The following HCRTR2 variants were observed in gnomAD, a reference collection of about 807,000 sequenced individuals.
The protein encoded by HCRTR2 is hypocretin receptor 2.
HCRTR2 carries 22 observed loss-of-function variants against 49.0 expected under a neutral mutation model. That is an observed-to-expected ratio of 0.45 (90% CI 0.32 to 0.64). The LOEUF (loss-of-function observed/expected upper bound fraction) is 0.64, where lower values mean the gene tolerates loss of function less well. Among genes scored for constraint, HCRTR2 ranks in the 30% least tolerant of loss-of-function variants. HCRTR2 has a pLI of 0.04. For synonymous variants in HCRTR2, 236 were observed against 205.3 expected (o/e 1.15, Z -1.28); for missense variants, 491 against 559.4 (o/e 0.88, Z 1.23).
chr6:55,239,752 T>C (rs1195194798), intron 1 of HCRTR2, among the ~76,000 whole-genome samples: 1 of 151,842 alleles, frequency 6.6e-6, no homozygotes, highest in African/African-American at 2.4e-5. Context: ...GATACATTGC[T>C]GTTTGTGCAT....
At chr6:55,240,824 TA>T in intron 1 of HCRTR2, 1 of 411,600 alleles carries the variant, frequency 2.4e-6, no homozygotes, top group Non-Finnish European at 4.9e-6. Context: ...AAATAGGAGT[TA>T]AATATAGGCT....
At chr6:55,120,658 A>G (rs968978033) in intron 1 of HCRTR2, among the ~76,000 whole-genome samples, 1 of 151,194 alleles carries the variant, frequency 6.6e-6, no homozygotes, top group Non-Finnish European at 1.5e-5. Flanking sequence ...TGGAGCTGAG[A>G]TGATAGGGTT....
chr6:55,216,312 A>C (rs1765785586), intron 1 of HCRTR2, among the ~76,000 whole-genome samples: 1 of 152,072 alleles, frequency 6.6e-6, no homozygotes, highest in East Asian at 1.9e-4. Flanking sequence ...TCATATGCAA[A>C]TACCTTCATT....
At chr6:55,253,872 T>G (rs9370407) in intron 2 of HCRTR2, among the ~76,000 whole-genome samples, 26,304 of 151,990 alleles carry the variant, frequency 0.17, 2,768 homozygotes, top group Non-Finnish European at 0.24. Context: ...CACTGGGGCC[T>G]TTCAGAGGGT....
chr6:55,186,272 AT>A (rs1765214795), intron 1 of HCRTR2, among the ~76,000 whole-genome samples: 1 of 152,202 alleles, frequency 6.6e-6, no homozygotes, highest in South Asian at 2.1e-4. Context: ...ATATAAGTAC[AT>A]TTTTTAAATT....
At chr6:55,147,538 G>A (rs1229511695) in intron 1 of HCRTR2, among the ~76,000 whole-genome samples, 2 of 152,124 alleles carry the variant, frequency 1.3e-5, no homozygotes, top group South Asian at 4.1e-4. Flanking sequence ...AACAGACACA[G>A]AGAGGTATTT....
rs1765650991 is a variant in HCRTR2, at chr6:55,208,906, G to A, written c.223+34096G>A. On this transcript the variant is annotated intron_variant, in intron 1 of 6. Coordinates refer to ENST00000370862, the MANE Select transcript of HCRTR2 (RefSeq NM_001384272.1). ...AAGCATTATTTGGGCCTTAAGTCAAGGCCCAAATGTGGATACTGGTACTGA... is the reference window on the plus strand; with the variant it reads ...AAGCATTATTTGGGCCTTAAGTCAAAGCCCAAATGTGGATACTGGTACTGA... Among the ~76,000 whole-genome samples, 4 of 152,154 alleles carry A rather than the reference G, an allele frequency of 2.6e-5. No homozygotes were observed. In the South Asian group the frequency reaches 8.3e-4, roughly 32 times the overall value.
chr6:55,266,952 A>C (rs1292170186), intron 4 of HCRTR2, among the ~76,000 whole-genome samples: 1 of 152,184 alleles, frequency 6.6e-6, no homozygotes, highest in Non-Finnish European at 1.5e-5. Flanking sequence ...AATTATCCTC[A>C]TTAGTACAAG....
intron 4 of HCRTR2, among the ~76,000 whole-genome samples, chr6:55,275,862 T>C (rs1168165501): frequency 6.6e-6 from 1 of 152,046 alleles, no homozygotes; most frequent in Non-Finnish European, 1.5e-5. Context: ...GAAAACTGTT[T>C]CTAATGGCGG....
intron 1 of HCRTR2, among the ~76,000 whole-genome samples, chr6:55,175,658 C>G (rs561334009): frequency 1.1e-4 from 16 of 152,198 alleles, no homozygotes; most frequent in African/African-American, 3.9e-4. Context: ...TGTATGCAAA[C>G]ACGGGTTTCC....
rs187588840 is a variant in HCRTR2, at chr6:55,273,960, T to C, written c.763-3420T>C. 2.6e-3 allele frequency among the ~76,000 whole-genome samples: 392 copies of C among 151,296 alleles called. 2 individuals carry two copies. The highest frequency in any genetic ancestry group is 9.2e-3 in the African/African-American group (380 of 41,510). On this transcript the variant is annotated intron_variant, in intron 4 of 6. Coordinates refer to ENST00000370862, the MANE Select transcript of HCRTR2 (RefSeq NM_001384272.1). Reference sequence around the variant, plus strand: ...TTATAAATCTTGAAATGAGTTTTTATAAGTCTTGCAACCAAAGTTTAAAAA... The same window carrying C: ...TTATAAATCTTGAAATGAGTTTTTACAAGTCTTGCAACCAAAGTTTAAAAA...
intron 1 of HCRTR2, among the ~76,000 whole-genome samples, chr6:55,127,546 T>G (rs1764298707): frequency 6.6e-6 from 1 of 152,162 alleles, no homozygotes; most frequent in African/African-American, 2.4e-5. Flanking sequence ...TAAAAGCCTC[T>G]CCTGCAGTAT....
rs5876430 is a variant in HCRTR2, at chr6:55,187,682, CTT to C, written c.223+12893_223+12894del. Among the ~76,000 whole-genome samples, 513 of 102,224 alleles carry C rather than the reference CTT, an allele frequency of 5.0e-3. 1 individual carries two copies. Among genetic ancestry groups the C allele is most frequent in the African/African-American group, 0.018 (469 of 26,546 alleles). The allele number at this position is 102,224 out of a possible 152,430, so 67.1% of individuals were successfully genotyped here. The stretch of plus-strand genomic sequence containing the variant: ...TAGTGTGATAGGGCTATTATTTGAT[CTT>C]TTTTTTTTTTTTTTTTTTTTACAGG... On this transcript the variant is annotated intron_variant, in intron 1 of 6. Coordinates refer to ENST00000370862, the MANE Select transcript of HCRTR2 (RefSeq NM_001384272.1).
At chr6:55,114,765 T>C (rs1276986462) in intron 1 of HCRTR2, among the ~76,000 whole-genome samples, 1 of 151,766 alleles carries the variant, frequency 6.6e-6, no homozygotes, top group Non-Finnish European at 1.5e-5. Context: ...CGTATTTTTA[T>C]AATTTGACCT....
rs374630973 is a variant in HCRTR2 at position 55,188,745 on chromosome 6, T to A, written c.223+13935T>A. ...GAATTTCTAATCTTGTGGGGGAGACTAACATGTAAACAATAAACTATAGTA... is the reference window on the plus strand; with the variant it reads ...GAATTTCTAATCTTGTGGGGGAGACAAACATGTAAACAATAAACTATAGTA... On this transcript the variant is annotated intron_variant, in intron 1 of 6. Coordinates refer to ENST00000370862, the MANE Select transcript of HCRTR2 (RefSeq NM_001384272.1). 5.4e-4 allele frequency among the ~76,000 whole-genome samples: 82 copies of A among 152,290 alleles called. No homozygotes were observed. In the South Asian group the frequency reaches 6.0e-3, roughly 11 times the overall value.
At chr6:55,154,599 A>T (rs1764705863) in intron 1 of HCRTR2, among the ~76,000 whole-genome samples, 1 of 151,824 alleles carries the variant, frequency 6.6e-6, no homozygotes, top group South Asian at 2.1e-4. Flanking sequence ...TTTCTCTAAG[A>T]TCAAGAACAA....
chr6:55,141,334 ACT>A (rs1367533657), intron 1 of HCRTR2, among the ~76,000 whole-genome samples: 1 of 152,074 alleles, frequency 6.6e-6, no homozygotes, highest in Non-Finnish European at 1.5e-5. Context: ...ACAGAGCAAG[ACT>A]CTATCTCAAA....
intron 3 of HCRTR2, among the ~76,000 whole-genome samples, chr6:55,256,720 C>T (rs1327861458): frequency 2.0e-5 from 3 of 151,668 alleles, no homozygotes; most frequent in Non-Finnish European, 4.4e-5. Flanking sequence ...ATGGAAATTT[C>T]CAAAATGGTA....
intron 1 of HCRTR2, among the ~76,000 whole-genome samples, chr6:55,120,408 T>C (rs1459815783): frequency 6.6e-6 from 1 of 152,100 alleles, no homozygotes; most frequent in Non-Finnish European, 1.5e-5. Context: ...TTTTTCTATT[T>C]GTTTGTGCCC....
Sources: allele counts gnomAD v4.1 joint callset (sites outside exome capture counted in the v4.1 genomes callset), GRCh38; gene constraint gnomAD v4.1.1; transcripts MANE v1.5; gene names NCBI Gene and HGNC (gene_info 2026-07-23, HGNC 2026-07-21).